The following PAPPA2 variants were observed in gnomAD, a reference collection of about 807,000 sequenced individuals.
PAPPA2 encodes pappalysin-2.
PAPPA2 carries 86 observed loss-of-function variants against 176.4 expected under a neutral mutation model. That is an observed-to-expected ratio of 0.49 (90% CI 0.41 to 0.58). PAPPA2 has a LOEUF of 0.58. Among genes scored for constraint, PAPPA2 ranks in the 20% least tolerant of loss-of-function variants. The pLI is 0.00. For missense variants in PAPPA2, 2,073 were observed against 2,256.9 expected (o/e 0.92, Z 1.65); for synonymous variants, 809 against 852.2 (o/e 0.95, Z 0.88).
At chr1:176,788,195 C>T (rs1665026805) in intron 17 of PAPPA2, among the ~76,000 whole-genome samples, 1 of 152,196 alleles carries the variant, frequency 6.6e-6, no homozygotes, top group Admixed American at 6.5e-5. Flanking sequence ...TCAGCAGATA[C>T]TTACTTAATG....
At chr1:176,780,217 G>A (rs573603482) in intron 17 of PAPPA2, among the ~76,000 whole-genome samples, 2 of 152,292 alleles carry the variant, frequency 1.3e-5, no homozygotes, top group East Asian at 1.9e-4. Context: ...TTTCAATCAC[G>A]CCTGTCTGTG....
intron 14 of PAPPA2, among the ~76,000 whole-genome samples, chr1:176,752,350 A>G: frequency 6.7e-6 from 1 of 150,248 alleles, no homozygotes; most frequent in East Asian, 1.9e-4. Context: ...AATAAAAAAA[A>G]AAAAAAAAAA....
At chr1:176,545,866 T>C (rs1301860519) in intron 1 of PAPPA2, among the ~76,000 whole-genome samples, 4 of 152,132 alleles carry the variant, frequency 2.6e-5, no homozygotes, top group African/African-American at 9.7e-5. Flanking sequence ...AATTATTGAG[T>C]CTCAGTTGGT....
chr1:176,767,830 A>G (rs1246807860), intron 15 of PAPPA2, among the ~76,000 whole-genome samples: 1 of 152,226 alleles, frequency 6.6e-6, no homozygotes, highest in East Asian at 1.9e-4. Context: ...GGCTGGTCCC[A>G]TGAAGAAAAT....
At chr1:176,760,217 T>C (rs958762627) in intron 14 of PAPPA2, among the ~76,000 whole-genome samples, 1 of 152,238 alleles carries the variant, frequency 6.6e-6, no homozygotes. Flanking sequence ...TTTAATTGTT[T>C]TTTTCTCTTT....
At chr1:176,643,916 A>G (rs1361895747) in intron 3 of PAPPA2, among the ~76,000 whole-genome samples, 1 of 151,808 alleles carries the variant, frequency 6.6e-6, no homozygotes, top group Non-Finnish European at 1.5e-5. Flanking sequence ...GTATCTTTCT[A>G]GGCACCAACT....
At chr1:176,572,915 G>A (rs572491476) in intron 2 of PAPPA2, among the ~76,000 whole-genome samples, 1 of 152,182 alleles carries the variant, frequency 6.6e-6, no homozygotes, top group Non-Finnish European at 1.5e-5. Context: ...TCTAAGGGTA[G>A]TATTAATTCT....
At chr1:176,464,670 C>T (rs1651531816) in intron 1 of PAPPA2, among the ~76,000 whole-genome samples, 1 of 152,212 alleles carries the variant, frequency 6.6e-6, no homozygotes, top group African/African-American at 2.4e-5. Flanking sequence ...GGAAATACCC[C>T]AGGTGCTGGA....
chr1:176,830,160 A>G (rs1346051372), intron 21 of PAPPA2, among the ~76,000 whole-genome samples: 1 of 152,140 alleles, frequency 6.6e-6, no homozygotes, highest in Admixed American at 6.5e-5. Context: ...CTTGAGCCCA[A>G]GGGTTTGAGA....
chr1:176,808,757 A>G (rs1666017030), intron 21 of PAPPA2, among the ~76,000 whole-genome samples: 3 of 152,180 alleles, frequency 2.0e-5, no homozygotes, highest in Non-Finnish European at 4.4e-5. Context: ...TAGAAAATAC[A>G]GAACCTGTTG....
chr1:176,516,628 T>G (rs766853853), intron 1 of PAPPA2, among the ~76,000 whole-genome samples: 1 of 152,190 alleles, frequency 6.6e-6, no homozygotes. Flanking sequence ...TTCTGCCATA[T>G]GAGGACATAG....
chr1:176,662,907 A>G (rs1345176696), intron 3 of PAPPA2, among the ~76,000 whole-genome samples: 1 of 152,208 alleles, frequency 6.6e-6, no homozygotes, highest in African/African-American at 2.4e-5. Flanking sequence ...TCAATAAGGA[A>G]ATTTATTCAC....
chr1:176,802,844 T>C (rs913221253), intron 21 of PAPPA2, among the ~76,000 whole-genome samples: 2 of 152,210 alleles, frequency 1.3e-5, no homozygotes, highest in African/African-American at 4.8e-5. Context: ...TGCTTTCAAT[T>C]ATCCACTATT....
chr1:176,590,354 A>G lies in PAPPA2; in HGVS notation c.920-4170A>G, dbSNP rs533169506. On this transcript the variant is annotated intron_variant, in intron 2 of 22. Coordinates refer to ENST00000367662, the MANE Select transcript of PAPPA2 (RefSeq NM_020318.3). Reference sequence around the variant, plus strand: ...ACATCATACTGGTAACTTAATATTGACCATTGTGGGAGTAATTTATATCAC... The same window carrying G: ...ACATCATACTGGTAACTTAATATTGGCCATTGTGGGAGTAATTTATATCAC... 1.3e-3 allele frequency among the ~76,000 whole-genome samples: 194 copies of G among 152,264 alleles called. 1 individual carries two copies. Among genetic ancestry groups the G allele is most frequent in the African/African-American group, 4.3e-3 (177 of 41,556 alleles).
chr1:176,837,250 C>T (rs143115454), intron 21 of PAPPA2, among the ~76,000 whole-genome samples: 34 of 152,104 alleles, frequency 2.2e-4, no homozygotes, highest in African/African-American at 6.7e-4. Flanking sequence ...TAGGCTCATA[C>T]GTCATAAGAA....
intron 20 of PAPPA2, among the ~76,000 whole-genome samples, chr1:176,795,931 C>T (rs1665406329): frequency 1.3e-5 from 2 of 152,186 alleles, no homozygotes; most frequent in Non-Finnish European, 2.9e-5. Flanking sequence ...TTCCCCAAAA[C>T]ATAAATAGTG....
intron 3 of PAPPA2, among the ~76,000 whole-genome samples, chr1:176,620,837 T>C (rs1655552753): frequency 1.3e-5 from 2 of 152,164 alleles, no homozygotes; most frequent in Non-Finnish European, 2.9e-5. Context: ...TAATTCAAAA[T>C]TTATGTATGT....
At chr1:176,587,691 C>T (rs1027035323) in intron 2 of PAPPA2, among the ~76,000 whole-genome samples, 2 of 152,156 alleles carry the variant, frequency 1.3e-5, no homozygotes, top group Admixed American at 6.5e-5. Flanking sequence ...TTACTGTAGA[C>T]TTGTACTATA....
intron 1 of PAPPA2, among the ~76,000 whole-genome samples, chr1:176,544,856 T>G (rs1370590619): frequency 2.0e-5 from 3 of 152,150 alleles, no homozygotes; most frequent in Non-Finnish European, 4.4e-5. Flanking sequence ...GAAAGCAGAT[T>G]ATTACTAGAT....
Sources: gnomAD v4.1 joint callset for allele counts (sites outside exome capture counted in the v4.1 genomes callset) on GRCh38, gnomAD v4.1.1 for gene constraint, MANE v1.5 for transcripts, NCBI Gene and HGNC (gene_info 2026-07-23, HGNC 2026-07-21) for gene names.